ODF4: variants seen among roughly 807,000 people sequenced by gnomAD.
The protein encoded by ODF4 is outer dense fiber protein 4.
A neutral mutation model predicts 17.0 loss-of-function variants in ODF4; 11 were observed. The ratio of observed to expected loss-of-function variants is 0.65; its 90% CI spans 0.41 to 1.07. ODF4 has a LOEUF of 1.07. Among genes scored for constraint, ODF4 ranks in the 50% least tolerant of loss-of-function variants. The pLI is 0.00. For missense variants in ODF4, 281 were observed against 310.2 expected (o/e 0.91, Z 0.71); for synonymous variants, 127 against 121.8 (o/e 1.04, Z -0.28).
At chr17:8,341,210 G>A (rs565580902) in intron 1 of ODF4, among the ~76,000 whole-genome samples, 7 of 151,584 alleles carry the variant, frequency 4.6e-5, no homozygotes, top group African/African-American at 1.7e-4. Context: ...AAAAAGTTAC[G>A]AGGGGCATGG....
In ODF4 at chr17:8,345,362, C is replaced by T; in HGVS notation, c.474C>T (p.Thr158=). 2 of 1,613,688 alleles carry T rather than the reference C, an allele frequency of 1.2e-6. No individual in the cohort carries two copies. Among genetic ancestry groups the T allele is most frequent in the East Asian group, 2.2e-5 (1 of 44,892 alleles). The change falls in exon 2 of 3, where the codon ACC becomes ACT. Residue 158 remains threonine (T), a synonymous_variant. Transcript: ENST00000328248. The surrounding 1 kb of genome is among the most constrained non-coding windows in gnomAD (Gnocchi z 4.1). ...TCCTAGTCACCTTCATCTTCTCCACCCTCATGCTATTCCCCATTAACATCT... is the reference window on the plus strand; with the variant it reads ...TCCTAGTCACCTTCATCTTCTCCACTCTCATGCTATTCCCCATTAACATCT... ...ENGKVTFIFS[T]LMLFPINIWI...
Position 8,345,462 on chromosome 17 carries a change from C to A in ODF4, c.574C>A (p.Leu192Ile), listed in dbSNP as rs774455886. The part of the protein sequence containing the change: ...SYFIGWLVLI[L>I]YFTCAILCYF... ...TTTCATTGGTTGGCTGGTGCTTATC[C>A]TATACTTCACCTGCGGTGAGTGGCC... The change falls in exon 2 of 3, where the codon CTA (leucine) becomes ATA (isoleucine). Residue 192 changes from leucine (L) to isoleucine (I), a missense_variant. Coordinates refer to ENST00000328248, the MANE Select transcript of ODF4 (RefSeq NM_153007.5). The surrounding 1 kb of genome is among the most constrained non-coding windows in gnomAD (Gnocchi z 4.1). 6.2e-7 allele frequency: 1 copy of A among 1,613,974 alleles called. No individual in the cohort carries two copies. Among genetic ancestry groups the A allele is most frequent in the Non-Finnish European group, 8.5e-7 (1 of 1,179,996 alleles).
In ODF4 at chr17:8,345,963, G is replaced by A. The variant is rs938294652; in HGVS notation, c.*111G>A. ...CTCATCATTGCAAGGAATGAGAAAG[G>A]GAGGATTTTGCACTCCTCTGCTTTC... On this transcript the variant is annotated 3_prime_UTR_variant, in exon 3 of 3. Coordinates refer to ENST00000328248, the MANE Select transcript of ODF4 (RefSeq NM_153007.5). The surrounding 1 kb of genome is among the most constrained non-coding windows in gnomAD (Gnocchi z 4.1). 1.2e-6 allele frequency: 1 copy of A among 844,566 alleles called. No individual in the cohort carries two copies. The highest frequency in any genetic ancestry group is 1.9e-6 in the Non-Finnish European group (1 of 535,556). The allele number at this position is 844,566 out of a possible 1,614,324, so 52.3% of individuals were successfully genotyped here.
intron 1 of ODF4, among the ~76,000 whole-genome samples, chr17:8,342,447 T>G (rs1403098409): frequency 6.6e-6 from 1 of 152,138 alleles, no homozygotes; most frequent in African/African-American, 2.4e-5. Flanking sequence ...TTCACCATGT[T>G]GGCCAGGCTG....
rs939041758 is a variant in ODF4, at chr17:8,339,860, C to T, written c.-192C>T. On this transcript the variant is annotated 5_prime_UTR_variant, in exon 1 of 3. Transcript: ENST00000328248. ...ATTCCGTGGCAGTTAGGGGACCTGG[C>T]CTGCTGAATGGGTTGGGGCCTTCTC... 3 of 376,746 alleles carry T rather than the reference C, an allele frequency of 8.0e-6. No homozygotes were observed. The highest frequency in any genetic ancestry group is 9.4e-6 in the Non-Finnish European group (2 of 212,802). 23.3% of individuals were successfully genotyped at this position (376,746 alleles called of 1,614,324 possible).
chr17:8,344,709 G>C (rs1411627697), intron 1 of ODF4: 1 of 179,734 alleles, frequency 5.6e-6, no homozygotes, highest in African/African-American at 2.4e-5. Flanking sequence ...GGCTGGTCTT[G>C]AACTCCTGAC....
intron 1 of ODF4, among the ~76,000 whole-genome samples, chr17:8,342,243 T>TTTTATTTA (rs58271512): frequency 9.3e-5 from 14 of 151,170 alleles, no homozygotes; most frequent in African/African-American, 2.2e-4. Flanking sequence ...GGCTTTTTAT[T>TTTTATTTA]TTTATTTATT....
chr17:8,340,424 C>A lies in ODF4; in HGVS notation c.373C>A (p.His125Asn). The stretch of plus-strand genomic sequence containing the variant: ...GCCCGTGGATGTCAGCAACAGAATC[C>A]ACACATCAGCCCACGTTATGTCCAT... ...RWPVDVSNRI[H>N]TSAHVMSMGL... The change falls in exon 1 of 3, where the codon CAC becomes AAC. Residue 125 changes from histidine (H) to asparagine (N), a missense_variant. Transcript: ENST00000328248. 6.2e-7 allele frequency: 1 copy of A among 1,613,984 alleles called. No individual in the cohort carries two copies. Among genetic ancestry groups the A allele is most frequent in the Non-Finnish European group, 8.5e-7 (1 of 1,179,906 alleles).
intron 1 of ODF4, among the ~76,000 whole-genome samples, chr17:8,341,236 A>C (rs1366137814): frequency 1.3e-5 from 2 of 151,884 alleles, no homozygotes; most frequent in East Asian, 3.9e-4. Context: ...GCACAAGAGA[A>C]TCATTCATTA....
chr17:8,341,025 C>T (rs188967175), intron 1 of ODF4, among the ~76,000 whole-genome samples: 1 of 151,994 alleles, frequency 6.6e-6, no homozygotes, highest in Non-Finnish European at 1.5e-5. Flanking sequence ...CCCGTCTCTA[C>T]TAAAAATACA....
chr17:8,342,026 C>T (rs1906040963), intron 1 of ODF4, among the ~76,000 whole-genome samples: 1 of 152,058 alleles, frequency 6.6e-6, no homozygotes. Flanking sequence ...AATTGGGACT[C>T]AGAGAGATTA....
In ODF4 at chr17:8,346,029, T is replaced by TACTTCA; in HGVS notation, c.*177_*178insACTTCA. 1 of 538,052 alleles carries TACTTCA rather than the reference T, an allele frequency of 1.9e-6. No homozygotes were observed. 33.3% of individuals were successfully genotyped at this position (538,052 alleles called of 1,614,324 possible). ...AGCTTGAGTGATGTGGAATAAATTG[T>TACTTCA]CCGTCTCTTCTTTCTCATATCTGGC... On this transcript the variant is annotated 3_prime_UTR_variant, in exon 3 of 3. Coordinates refer to ENST00000328248, the MANE Select transcript of ODF4 (RefSeq NM_153007.5).
Position 8,345,951 on chromosome 17 carries a change from G to T in ODF4, c.*99G>T. ...AATAGGTTGGTCCTCATCATTGCAA[G>T]GAATGAGAAAGGGAGGATTTTGCAC... On this transcript the variant is annotated 3_prime_UTR_variant, in exon 3 of 3. Coordinates refer to ENST00000328248, the MANE Select transcript of ODF4 (RefSeq NM_153007.5). This position sits in a 1 kb window ranked among gnomAD's most constrained non-coding sequence, Gnocchi z 4.1. 2.1e-6 allele frequency: 2 copies of T among 962,798 alleles called. No individual in the cohort carries two copies. Among genetic ancestry groups the T allele is most frequent in the Non-Finnish European group, 3.2e-6 (2 of 633,336 alleles). The allele number at this position is 962,798 out of a possible 1,614,324, so 59.6% of individuals were successfully genotyped here.
At position 8,340,138 on chromosome 17, in the gene ODF4, T is replaced by A. The variant is rs1034977820; in HGVS notation, c.87T>A (p.Ser29Arg). 8 of 1,562,004 alleles carry A rather than the reference T, an allele frequency of 5.1e-6. No homozygotes were observed. In the African/African-American group the frequency reaches 9.6e-5, roughly 19 times the overall value. The change falls in exon 1 of 3, where the codon AGT (serine) becomes AGA (arginine). Residue 29 changes from serine (S) to arginine (R), a missense_variant. Transcript: ENST00000328248. ...AGAGACCTGGAAAGGAAAGGAAGAG[T>A]GGGGAGGCAGGATGGGGCACAGGTG... is the stretch of plus-strand genomic sequence containing the variant. The part of the protein sequence containing the change: ...QHQRPGKERK[S>R]GEAGWGTGEL...
In ODF4 at chr17:8,345,908, A is replaced by C; in HGVS notation, c.*56A>C. On this transcript the variant is annotated 3_prime_UTR_variant, in exon 3 of 3. Transcript: ENST00000328248. The surrounding 1 kb of genome is among the most constrained non-coding windows in gnomAD (Gnocchi z 4.1). ...TCCATTCATCTGACCCCATCTCCTC[A>C]TCCTCCCCCAGCCCTTGAATAGGTT... is the stretch of plus-strand genomic sequence containing the variant. 1.4e-6 allele frequency: 2 copies of C among 1,435,036 alleles called. No individual in the cohort carries two copies. The highest frequency in any genetic ancestry group is 1.9e-6 in the Non-Finnish European group (2 of 1,026,746). 88.9% of individuals were successfully genotyped at this position (1,435,036 alleles called of 1,614,324 possible). A position where few individuals can be genotyped will look rare whatever the true frequency, so the allele number is the denominator to read the frequency against.
rs779116444 is a variant in ODF4 at position 8,345,750 on chromosome 17, T to C, written c.672T>C (p.Ser224=). 4.3e-6 allele frequency: 7 copies of C among 1,614,134 alleles called. No individual in the cohort carries two copies. The South Asian group carries it at 7.7e-5, about 18-fold the overall frequency. Residue 224 remains serine (S), a synonymous_variant, in exon 3 of 3, where the codon AGT becomes AGC. Coordinates refer to ENST00000328248, the MANE Select transcript of ODF4 (RefSeq NM_153007.5). This position sits in a 1 kb window ranked among gnomAD's most constrained non-coding sequence, Gnocchi z 4.1. ...HPSGAVSCSS[S]FGSVEESPRA... is the part of the protein sequence containing the mutation. ...GTGGTGCCGTGTCCTGCAGCAGCAG[T>C]TTCGGCTCAGTAGAAGAATCTCCAA...
intron 1 of ODF4, among the ~76,000 whole-genome samples, chr17:8,342,495 G>A (rs1052759277): frequency 7.4e-6 from 1 of 135,056 alleles, no homozygotes; most frequent in African/African-American, 3.0e-5. Context: ...CGCCTGCCTC[G>A]GCCTCCCAAA....
At position 8,345,490 on chromosome 17, in the gene ODF4, A is replaced by C; in HGVS notation, c.589+13A>C. On this transcript the variant is annotated intron_variant, in intron 2 of 2. Transcript: ENST00000328248. The surrounding 1 kb of genome is among the most constrained non-coding windows in gnomAD (Gnocchi z 4.1). ...TACTTCACCTGCGGTGAGTGGCCAG[A>C]GGGCCCTGGGGGAAGGAAGCGACAT... 6.2e-7 allele frequency: 1 copy of C among 1,613,462 alleles called. No individual in the cohort carries two copies. Among genetic ancestry groups the C allele is most frequent in the South Asian group, 1.1e-5 (1 of 90,998 alleles).
intron 1 of ODF4, among the ~76,000 whole-genome samples, chr17:8,342,506 G>A (rs932335080): frequency 1.6e-4 from 21 of 127,530 alleles, no homozygotes; most frequent in Admixed American, 1.5e-3. Flanking sequence ...GCCTCCCAAA[G>A]TGCCTCGGCT....
Sources: allele counts gnomAD v4.1 joint callset (sites outside exome capture counted in the v4.1 genomes callset), GRCh38; gene constraint gnomAD v4.1.1; non-coding constraint Gnocchi (gnomAD v3.1); transcripts MANE v1.5; gene names NCBI Gene and HGNC (gene_info 2026-07-23, HGNC 2026-07-21).